The following NFKB1 variants were observed in gnomAD, a reference collection of about 807,000 sequenced individuals.
The protein encoded by NFKB1 is nuclear factor kappa B subunit 1.
Under a neutral mutation model 105.1 loss-of-function variants are expected in NFKB1, and 9 were observed. The ratio of observed to expected loss-of-function variants is 0.09; its 90% CI spans 0.05 to 0.15. The LOEUF is 0.15. Among genes scored for constraint, NFKB1 ranks in the 10% least tolerant of loss-of-function variants. The pLI is 1.00. For synonymous variants in NFKB1, 440 were observed against 442.2 expected (o/e 1.00, Z 0.06); for missense variants, 830 against 1,203.7 (o/e 0.69, Z 4.59).
At chr4:102,563,171 T>C (rs1723580373) in intron 5 of NFKB1, among the ~76,000 whole-genome samples, 1 of 152,196 alleles carries the variant, frequency 6.6e-6, no homozygotes, top group African/African-American at 2.4e-5. Flanking sequence ...CTGAGACCCA[T>C]GGTTTCTACA....
At chr4:102,560,757 A>G (rs942206905) in intron 5 of NFKB1, among the ~76,000 whole-genome samples, 5 of 152,296 alleles carry the variant, frequency 3.3e-5, no homozygotes, top group Middle Eastern at 3.4e-3. Flanking sequence ...CTGTTTTCTT[A>G]TCTACAAAAT....
intron 6 of NFKB1, among the ~76,000 whole-genome samples, chr4:102,575,434 A>C (rs1374118975): frequency 1.3e-5 from 2 of 150,414 alleles, no homozygotes; most frequent in African/African-American, 4.9e-5. Context: ...TCTTTCCTCT[A>C]CTAATTTTTT....
At position 102,529,885 on chromosome 4, in the gene NFKB1, T is replaced by G; in HGVS notation, c.89T>G (p.Val30Gly). Residue 30 changes from valine to glycine, a missense_variant, in exon 3 of 24, where the codon GTA (valine) becomes GGA (glycine). Transcript: ENST00000226574. Reference protein sequence around the residue: ...SLTHTIFNPEVFQPQMALPTA... With the variant: ...SLTHTIFNPEGFQPQMALPTA... ...ACTCATACAATATTTAATCCAGAAG[T>G]ATTTCAACCACAGATGGCACTGCCA... 1 of 1,610,852 alleles carries G rather than the reference T, an allele frequency of 6.2e-7. No homozygotes were observed. The highest frequency in any genetic ancestry group is 8.5e-7 in the Non-Finnish European group (1 of 1,177,854).
At position 102,609,611 on chromosome 4, in the gene NFKB1, C is replaced by CAAAAAA. The variant is rs34646774; in HGVS notation, c.2228-946_2228-941dup. 1.0e-3 allele frequency among the ~76,000 whole-genome samples: 65 copies of CAAAAAA among 64,218 alleles called. 1 individual carries two copies. The highest frequency in any genetic ancestry group is 2.9e-3 in the East Asian group (6 of 2,056). 42.1% of individuals were successfully genotyped at this position (64,218 alleles called of 152,430 possible). A position where few individuals can be genotyped will look rare whatever the true frequency, so the allele number is the denominator to read the frequency against. ...TGGGCAACAGAGCAAGACTCCATCT[C>CAAAAAA]AAAAAAAAAAAAAAAAAAAAAAAGC... On this transcript the variant is annotated intron_variant, in intron 19 of 23. Transcript: ENST00000226574.
intron 12 of NFKB1, 78 bp from the exon 13 acceptor site, chr4:102,594,814 G>C (rs1226037329): frequency 1.9e-6 from 2 of 1,045,510 alleles, no homozygotes; most frequent in Non-Finnish European, 2.9e-6. Context: ...GTGCTCACCT[G>C]AGAGACAGAC....
chr4:102,557,574 C>T (rs969513900), intron 5 of NFKB1, among the ~76,000 whole-genome samples: 9 of 152,162 alleles, frequency 5.9e-5, no homozygotes, highest in African/African-American at 1.9e-4. Flanking sequence ...CAAAGAAGGG[C>T]CCTCTCATTT....
chr4:102,518,303 CT>C (rs1448023682), intron 1 of NFKB1, among the ~76,000 whole-genome samples: 2 of 152,150 alleles, frequency 1.3e-5, no homozygotes, highest in African/African-American at 4.8e-5. Context: ...TATTTGCACT[CT>C]GAAAGTTTTA....
intron 9 of NFKB1, 71 bp downstream of exon 9, chr4:102,580,710 T>A: frequency 8.1e-7 from 1 of 1,232,692 alleles, no homozygotes; most frequent in Non-Finnish European, 1.2e-6. Context: ...AGTGTGTCTG[T>A]GAGTCACATT....
chr4:102,573,899 A>G (rs183153174), intron 6 of NFKB1, among the ~76,000 whole-genome samples: 18 of 150,884 alleles, frequency 1.2e-4, no homozygotes, highest in Admixed American at 9.9e-4. Flanking sequence ...TTTTTTTCAT[A>G]TCTGCCATGT....
chr4:102,545,756 TC>T (rs775999363), intron 5 of NFKB1, among the ~76,000 whole-genome samples: 3 of 152,016 alleles, frequency 2.0e-5, no homozygotes, highest in Non-Finnish European at 4.4e-5. Context: ...TCACAGTGCA[TC>T]ATCTAGCCAA....
At chr4:102,610,534 A>G (rs754836017) in intron 19 of NFKB1, 41 bp from the exon 20 acceptor site, 3 of 1,593,950 alleles carry the variant, frequency 1.9e-6, no homozygotes, top group Non-Finnish European at 2.6e-6. Flanking sequence ...GAAGTTGACA[A>G]GATCTGGGTT....
intron 5 of NFKB1, among the ~76,000 whole-genome samples, chr4:102,556,530 C>T (rs546710263): frequency 6.6e-6 from 1 of 152,184 alleles, no homozygotes; most frequent in African/African-American, 2.4e-5. Flanking sequence ...GGTAACATAT[C>T]CCATTCCCAA....
intron 4 of NFKB1, 33 bp downstream of exon 4, chr4:102,533,918 G>T: frequency 1.3e-6 from 2 of 1,567,294 alleles, no homozygotes; most frequent in Non-Finnish European, 1.8e-6. Context: ...TTAAATGTTA[G>T]ATTCCAGTGT....
intron 8 of NFKB1, among the ~76,000 whole-genome samples, 198 bp downstream of exon 8, chr4:102,579,237 C>G (rs1725118914): frequency 6.6e-6 from 1 of 152,104 alleles, no homozygotes; most frequent in South Asian, 2.1e-4. Context: ...AAGAGGGGCT[C>G]AATACATGTA....
chr4:102,591,223 T>C (rs939648460), intron 11 of NFKB1, among the ~76,000 whole-genome samples: 1 of 152,066 alleles, frequency 6.6e-6, no homozygotes, highest in Non-Finnish European at 1.5e-5. Context: ...CAACCTTCCA[T>C]TGGAAGAAGA....
At chr4:102,516,055 C>G (rs763741915) in intron 1 of NFKB1, among the ~76,000 whole-genome samples, 2 of 151,962 alleles carry the variant, frequency 1.3e-5, no homozygotes, top group African/African-American at 2.4e-5. Context: ...TGTAAAGGTG[C>G]CTTTACATTG....
rs757543211 is a variant in NFKB1, at chr4:102,578,990, C to T, written c.681C>T (p.Ser227=). 6.2e-7 allele frequency: 1 copy of T among 1,614,102 alleles called. No individual in the cohort carries two copies. The highest frequency in any genetic ancestry group is 1.3e-5 in the African/African-American group (1 of 75,024). Residue 227 remains serine (S), a synonymous_variant, in exon 8 of 24, where the codon AGC becomes AGT. Coordinates refer to ENST00000226574, the MANE Select transcript of NFKB1 (RefSeq NM_003998.4). ...CTTTTCTTCCGGATAGCACTGGCAG[C>T]TTCACAAGGCGCCTGGAACCCGTGG... ...FTAFLPDSTG[S]FTRRLEPVVS...
intron 6 of NFKB1, among the ~76,000 whole-genome samples, chr4:102,576,064 A>C (rs1488047561): frequency 6.6e-6 from 1 of 152,176 alleles, no homozygotes; most frequent in African/African-American, 2.4e-5. Flanking sequence ...GAATGGCTGG[A>C]ACATTTTATA....
At chr4:102,567,515 C>A (rs2149168911) in intron 6 of NFKB1, among the ~76,000 whole-genome samples, 1 of 152,256 alleles carries the variant, frequency 6.6e-6, no homozygotes, top group East Asian at 1.9e-4. Flanking sequence ...CAGAAATCAT[C>A]ACTTTATGTA....
Sources: gnomAD v4.1 joint callset for allele counts (sites outside exome capture counted in the v4.1 genomes callset) on GRCh38, gnomAD v4.1.1 for gene constraint, MANE v1.5 for transcripts, NCBI Gene and HGNC (gene_info 2026-07-23, HGNC 2026-07-21) for gene names.